FNDC1: variants seen among roughly 807,000 people sequenced by gnomAD.
The protein encoded by FNDC1 is fibronectin type III domain-containing protein 1.
Under a neutral mutation model 168.0 loss-of-function variants are expected in FNDC1, and 96 were observed. That is an observed-to-expected ratio of 0.57 (90% CI 0.48 to 0.68). The LOEUF is 0.68. FNDC1 is among the 30% of genes least tolerant of loss of function. The pLI, the probability that FNDC1 is intolerant of heterozygous loss-of-function variation, is 0.00. For missense variants in FNDC1, 2,587 were observed against 2,482.1 expected (o/e 1.04, Z -0.90); for synonymous variants, 1,099 against 1,025.9 (o/e 1.07, Z -1.36).
chr6:159,200,359 G>A (rs182240853), intron 3 of FNDC1, among the ~76,000 whole-genome samples, 154 bp from the exon 4 acceptor site: 24 of 152,264 alleles, frequency 1.6e-4, no homozygotes, highest in South Asian at 1.5e-3. Flanking sequence ...TGTATTGTCC[G>A]TAAAGCTGAG....
intron 4 of FNDC1, among the ~76,000 whole-genome samples, chr6:159,203,703 A>G (rs115092682): frequency 6.6e-6 from 1 of 152,136 alleles, no homozygotes; most frequent in Non-Finnish European, 1.5e-5. Flanking sequence ...GAATACTGTT[A>G]TGGAGCTTTT....
chr6:159,238,151 G>T (rs144338475), intron 12 of FNDC1, among the ~76,000 whole-genome samples: 2,364 of 150,710 alleles, frequency 0.016, 76 homozygotes, highest in African/African-American at 0.054. Context: ...AGGCTGGAGT[G>T]CAGTGGCGCG....
At position 159,232,884 on chromosome 6, in the gene FNDC1, A is replaced by G. The variant is rs771049798; in HGVS notation, c.2372A>G (p.Asp791Gly). 2 of 1,613,204 alleles carry G rather than the reference A, an allele frequency of 1.2e-6. No individual in the cohort carries two copies. The highest frequency in any genetic ancestry group is 1.7e-6 in the Non-Finnish European group (2 of 1,179,864). Reference sequence around the variant, plus strand: ...GCTTCTGATGGTGAAAGCCACGGTGACGGCGATAGGGAAGACGGCGGAAGG... The same window carrying G: ...GCTTCTGATGGTGAAAGCCACGGTGGCGGCGATAGGGAAGACGGCGGAAGG... ...AEASDGESHGDGDREDGGRQA... is the reference protein window; with the variant it reads ...AEASDGESHGGGDREDGGRQA... Residue 791 changes from aspartate (D) to glycine (G), a missense_variant, in exon 11 of 23, where the codon GAC (aspartate) becomes GGC (glycine). Coordinates refer to ENST00000297267, the MANE Select transcript of FNDC1 (RefSeq NM_032532.3). The surrounding 1 kb of genome is among the most constrained non-coding windows in gnomAD (Gnocchi z 4.9).
At chr6:159,250,933 G>A (rs963254166) in intron 16 of FNDC1, among the ~76,000 whole-genome samples, 1 of 152,210 alleles carries the variant, frequency 6.6e-6, no homozygotes, top group Non-Finnish European at 1.5e-5. Flanking sequence ...TTGAGAGAAT[G>A]CTAGTAAAGT....
intron 1 of FNDC1, among the ~76,000 whole-genome samples, chr6:159,191,379 C>A (rs1782135868): frequency 6.6e-6 from 1 of 152,302 alleles, no homozygotes; most frequent in African/African-American, 2.4e-5. Context: ...ATTTTCAAAT[C>A]AAATCAAATG....
intron 1 of FNDC1, among the ~76,000 whole-genome samples, chr6:159,174,567 T>C (rs1030545813): frequency 2.0e-5 from 3 of 152,262 alleles, no homozygotes; most frequent in African/African-American, 7.2e-5. Flanking sequence ...AAACATCCAG[T>C]TATCTGCCTT....
chr6:159,266,049 G>C (rs563478062), intron 20 of FNDC1, 35 bp from the exon 21 acceptor site: 2 of 1,609,898 alleles, frequency 1.2e-6, no homozygotes, highest in Admixed American at 3.3e-5. Context: ...ACTGTGGAGT[G>C]CTTACCCTTA....
rs1781625826 is a variant in FNDC1, at chr6:159,170,274, G to C, written c.109+569G>C. On this transcript the variant is annotated intron_variant, in intron 1 of 22. Transcript: ENST00000297267. ...GCTCCAGGCGGCAGGAGGCCCGCGC[G>C]CCCGGGGGGAACGTTCAAGCTGGGA... 1.3e-5 allele frequency among the ~76,000 whole-genome samples: 2 copies of C among 152,328 alleles called. 1 individual carries two copies. Among genetic ancestry groups the C allele is most frequent in the South Asian group, 4.1e-4 (2 of 4,828 alleles).
chr6:159,251,883 A>C (rs1391223031), intron 17 of FNDC1, among the ~76,000 whole-genome samples: 2 of 152,196 alleles, frequency 1.3e-5, no homozygotes, highest in Non-Finnish European at 2.9e-5. Context: ...GCAAATGGCC[A>C]GGGGGTCCAG....
At chr6:159,254,366 G>A (rs1225289611) in intron 17 of FNDC1, among the ~76,000 whole-genome samples, 1 of 152,032 alleles carries the variant, frequency 6.6e-6, no homozygotes, top group Non-Finnish European at 1.5e-5. Context: ...TCAGAAATGA[G>A]TCATTGATTT....
rs1226362618 is a variant in FNDC1 at position 159,234,245 on chromosome 6, C to T, written c.3733C>T (p.Pro1245Ser). The stretch of plus-strand genomic sequence containing the variant: ...CCTGGCTCCTGTGAAGCGACCTCTC[C>T]CCCCACCTCCAGGCAGCTCCCCCAG... Reference protein sequence around the residue: ...GSLAPVKRPLPPPPGSSPRAS... With the variant: ...GSLAPVKRPLSPPPGSSPRAS... The change falls in exon 11 of 23, where the codon CCC (proline) becomes TCC (serine). Residue 1245 changes from proline to serine, a missense_variant. By Grantham distance (74) the Pro-to-Ser change is moderately conservative (BLOSUM62 -1). Transcript: ENST00000297267. 9 of 1,591,626 alleles carry T rather than the reference C, an allele frequency of 5.7e-6. No homozygotes were observed. Among genetic ancestry groups the T allele is most frequent in the South Asian group, 1.1e-5 (1 of 87,982 alleles).
At position 159,269,307 on chromosome 6, in the gene FNDC1, T is replaced by A. The variant is rs1375452461; in HGVS notation, c.5569+1381T>A. On this transcript the variant is annotated intron_variant, in intron 22 of 22. Transcript: ENST00000297267. Reference sequence around the variant, plus strand: ...ATCTATCTATCCATCCATCCATCTATCCTATCTATTTATCTAACTATCTAT... The same window carrying A: ...ATCTATCTATCCATCCATCCATCTAACCTATCTATTTATCTAACTATCTAT... 6.4e-4 allele frequency among the ~76,000 whole-genome samples: 77 copies of A among 119,814 alleles called. 3 individuals carry two copies. Among genetic ancestry groups the A allele is most frequent in the Non-Finnish European group, 9.3e-4 (49 of 52,890 alleles). 78.6% of individuals were successfully genotyped at this position (119,814 alleles called of 152,430 possible).
At chr6:159,211,824 G>A (rs1398254614) in intron 4 of FNDC1, among the ~76,000 whole-genome samples, 1 of 152,178 alleles carries the variant, frequency 6.6e-6, no homozygotes, top group Non-Finnish European at 1.5e-5. Context: ...AATTCAGAGA[G>A]GTCTAAGCCA....
chr6:159,271,506 C>A lies in FNDC1; in HGVS notation c.*64C>A, dbSNP rs1777748448. The A allele has an allele frequency of 2.3e-6, 3 of 1,296,556 alleles. No individual in the cohort carries two copies. The highest frequency in any genetic ancestry group is 3.3e-6 in the Non-Finnish European group (3 of 914,170). The allele number at this position is 1,296,556 out of a possible 1,614,324, so 80.3% of individuals were successfully genotyped here. A position where few individuals can be genotyped will look rare whatever the true frequency, so the allele number is the denominator to read the frequency against. Reference sequence around the variant, plus strand: ...CCCACCAACTAAGTCGCACTAGGGGCTGTGAGCAAAGACAGCCAGCGTGCT... The same window carrying A: ...CCCACCAACTAAGTCGCACTAGGGGATGTGAGCAAAGACAGCCAGCGTGCT... On this transcript the variant is annotated 3_prime_UTR_variant, in exon 23 of 23. Coordinates refer to ENST00000297267, the MANE Select transcript of FNDC1 (RefSeq NM_032532.3).
In FNDC1 at chr6:159,197,426, C is replaced by T. The variant is rs1294679094; in HGVS notation, c.110-5C>T. 3 of 1,607,370 alleles carry T rather than the reference C, an allele frequency of 1.9e-6. No homozygotes were observed. Among genetic ancestry groups the T allele is most frequent in the Admixed American group, 3.4e-5 (2 of 58,714 alleles). ...CATGAGTTGATAGTTGCGCTGTTTACATAGTTGACCACCCACTGAAGCCAA... is the reference window on the plus strand; with the variant it reads ...CATGAGTTGATAGTTGCGCTGTTTATATAGTTGACCACCCACTGAAGCCAA... On this transcript the variant is annotated splice_region_variant and splice_polypyrimidine_tract_variant and intron_variant, in intron 1 of 22. Coordinates refer to ENST00000297267, the MANE Select transcript of FNDC1 (RefSeq NM_032532.3).
chr6:159,200,809 G>A (rs1265629716), intron 4 of FNDC1, among the ~76,000 whole-genome samples: 1 of 152,234 alleles, frequency 6.6e-6, no homozygotes, highest in African/African-American at 2.4e-5. Flanking sequence ...GCGTGGGGAA[G>A]TGTCTGCGTC....
intron 1 of FNDC1, among the ~76,000 whole-genome samples, chr6:159,176,541 C>G (rs574600775): frequency 6.6e-6 from 1 of 152,130 alleles, no homozygotes; most frequent in Admixed American, 6.5e-5. Flanking sequence ...CATCTCTGGT[C>G]GAGGAACAGA....
chr6:159,266,152 C>T lies in FNDC1; in HGVS notation c.5353C>T (p.Gln1785Ter). 6.2e-7 allele frequency: 1 copy of T among 1,613,954 alleles called. No homozygotes were observed. Among genetic ancestry groups the T allele is most frequent in the Non-Finnish European group, 8.5e-7 (1 of 1,179,876 alleles). ...DPSYTDCHGR[Q>*]YVKRTWYRKF... is the part of the protein sequence containing the mutation. ...CAGCTACACGGACTGCCATGGACGG[C>T]AATATGTGAAGCGCACGTGGTATCG... The change falls in exon 21 of 23, where the codon CAA becomes TAA. Residue 1785 changes from glutamine (Q) to a stop codon, truncating the protein, a stop_gained. Coordinates refer to ENST00000297267, the MANE Select transcript of FNDC1 (RefSeq NM_032532.3). LOFTEE classifies it high-confidence loss of function.
At chr6:159,260,699 C>T (rs917131382) in intron 18 of FNDC1, among the ~76,000 whole-genome samples, 29 of 152,212 alleles carry the variant, frequency 1.9e-4, no homozygotes, top group African/African-American at 6.8e-4. Context: ...CTGGAGCAAA[C>T]GTCCTGCTCT....
Sources: gnomAD v4.1 joint callset for allele counts (sites outside exome capture counted in the v4.1 genomes callset) on GRCh38, gnomAD v4.1.1 for gene constraint, Gnocchi (gnomAD v3.1) non-coding constraint, MANE v1.5 for transcripts, NCBI Gene and HGNC (gene_info 2026-07-23, HGNC 2026-07-21) for gene names.